The following PIK3C2G variants were observed in gnomAD, a reference collection of about 807,000 sequenced individuals.
PIK3C2G encodes the protein phosphatidylinositol 3-kinase C2 domain-containing subunit gamma.
In PIK3C2G, 168 loss-of-function variants were observed where a neutral mutation model predicts 181.1. The ratio of observed to expected loss-of-function variants is 0.93; its 90% CI spans 0.82 to 1.05. PIK3C2G has a LOEUF of 1.05. PIK3C2G is among the 50% of genes least tolerant of loss of function. The pLI is 0.00. For missense variants in PIK3C2G, 1,869 were observed against 1,732.8 expected (o/e 1.08, Z -1.40); for synonymous variants, 573 against 592.2 (o/e 0.97, Z 0.47).
intron 1 of PIK3C2G, among the ~76,000 whole-genome samples, chr12:18,251,777 T>C (rs577591545): frequency 6.6e-6 from 1 of 152,208 alleles, no homozygotes; most frequent in Admixed American, 6.5e-5. Context: ...CAATGTATTA[T>C]AGAAATATGC....
chr12:18,653,067 G>A (rs1950587514), downstream of PIK3C2G, among the ~76,000 whole-genome samples: 1 of 151,902 alleles, frequency 6.6e-6, no homozygotes, highest in Non-Finnish European at 1.5e-5. Context: ...CGAAACTTCT[G>A]CAAAAACTAA....
At chr12:18,675,185 C>A in the PIK3C2G span, among the ~76,000 whole-genome samples, 10 of 152,274 alleles carry the variant, frequency 6.6e-5, no homozygotes, top group South Asian at 1.0e-3. Flanking sequence ...CAGAGCTGGT[C>A]TAGATGGCTA....
Position 18,486,267 on chromosome 12 carries a change from A to G in PIK3C2G, c.2505-2182A>G, listed in dbSNP as rs189279657. Among the ~76,000 whole-genome samples the G allele has an allele frequency of 1.0e-3, 154 of 152,266 alleles. 1 individual carries two copies. The highest frequency in any genetic ancestry group is 4.4e-3 in the Admixed American group (68 of 15,284). ...GAATGAGGTATATTCTCCAAGGAAA[A>G]TAATCCCAACAGAATACACTGAGTT... On this transcript the variant is annotated intron_variant, in intron 18 of 32. Transcript: ENST00000538779.
At chr12:18,327,353 T>C (rs1286008063) in intron 8 of PIK3C2G, among the ~76,000 whole-genome samples, 4 of 152,084 alleles carry the variant, frequency 2.6e-5, no homozygotes, top group African/African-American at 7.2e-5. Flanking sequence ...ACAGTGTCAA[T>C]TGGAAAAATA....
Position 18,381,831 on chromosome 12 carries a change from T to A in PIK3C2G, c.1946T>A (p.Ile649Lys). 1 of 1,613,868 alleles carries A rather than the reference T, an allele frequency of 6.2e-7. No individual in the cohort carries two copies. The highest frequency in any genetic ancestry group is 1.1e-5 in the South Asian group (1 of 91,080). ...TLQSEPPVEM[I>K]TPGVWDVSQP... The stretch of plus-strand genomic sequence containing the variant: ...CAGAGTGAGCCTCCCGTAGAAATGA[T>A]AACTCCAGGAGTGTGGGATGTAAGT... The change falls in exon 14 of 33, where the codon ATA (isoleucine) becomes AAA (lysine). Residue 649 changes from isoleucine (I) to lysine (K), a missense_variant. Transcript: ENST00000538779.
At chr12:18,580,969 A>C (rs1946469598) in intron 29 of PIK3C2G, among the ~76,000 whole-genome samples, 1 of 152,310 alleles carries the variant, frequency 6.6e-6, no homozygotes, top group African/African-American at 2.4e-5. Context: ...TTTTTAGAGA[A>C]AGAAAAAATT....
At chr12:18,266,350 A>AT (rs1254141071) in intron 1 of PIK3C2G, among the ~76,000 whole-genome samples, 1 of 152,158 alleles carries the variant, frequency 6.6e-6, no homozygotes, top group Admixed American at 6.5e-5. Flanking sequence ...AAAACAGCAT[A>AT]TTTTATCCCC....
chr12:18,693,641 G>C, the PIK3C2G span: 1 of 1,562,924 alleles, frequency 6.4e-7, no homozygotes, highest in Non-Finnish European at 8.8e-7. Context: ...TGAAATTGAC[G>C]CCATTGGGAC....
At chr12:18,667,328 A>T in the PIK3C2G span, among the ~76,000 whole-genome samples, 1 of 152,196 alleles carries the variant, frequency 6.6e-6, no homozygotes, top group South Asian at 2.1e-4. Context: ...CCTCCTACCA[A>T]GAAGTTAACA....
At chr12:18,258,081 G>A (rs889243856), upstream of PIK3C2G, among the ~76,000 whole-genome samples, 1 of 152,016 alleles carries the variant, frequency 6.6e-6, no homozygotes, top group Non-Finnish European at 1.5e-5. Context: ...CTCTGCTCCT[G>A]CTGAACAATG....
intron 18 of PIK3C2G, among the ~76,000 whole-genome samples, chr12:18,456,735 C>G (rs866436969): frequency 3.3e-5 from 5 of 152,174 alleles, no homozygotes; most frequent in African/African-American, 1.2e-4. Flanking sequence ...CCTGTGCAAG[C>G]TTCCAGCTTG....
intron 26 of PIK3C2G, among the ~76,000 whole-genome samples, chr12:18,559,701 A>G (rs1005401859): frequency 6.1e-5 from 9 of 148,710 alleles, no homozygotes; most frequent in Non-Finnish European, 1.0e-4. Flanking sequence ...ATATTAGCAA[A>G]GGGAAAATCA....
intron 18 of PIK3C2G, among the ~76,000 whole-genome samples, chr12:18,424,244 C>G (rs76425515): frequency 0.013 from 2,026 of 152,162 alleles, 52 homozygotes; most frequent in African/African-American, 0.046. Context: ...ACAGTTGCTA[C>G]TGTTAATCAG....
chr12:18,418,347 T>A (rs1322184634), intron 16 of PIK3C2G, among the ~76,000 whole-genome samples: 1 of 152,056 alleles, frequency 6.6e-6, no homozygotes, highest in East Asian at 1.9e-4. Context: ...CCAGCAGAAG[T>A]TACAGTGTGC....
At chr12:18,360,642 A>T (rs1941154821) in intron 11 of PIK3C2G, among the ~76,000 whole-genome samples, 1 of 152,190 alleles carries the variant, frequency 6.6e-6, no homozygotes, top group Non-Finnish European at 1.5e-5. Flanking sequence ...CAAATATGGT[A>T]TTCTTTAGTG....
At chr12:18,669,753 G>A in the PIK3C2G span, among the ~76,000 whole-genome samples, 1 of 152,072 alleles carries the variant, frequency 6.6e-6, no homozygotes, top group African/African-American at 2.4e-5. Flanking sequence ...CGCCTCCTGG[G>A]TTCAAGTGAT....
intron 18 of PIK3C2G, among the ~76,000 whole-genome samples, chr12:18,462,593 G>A (rs1393685565): frequency 6.6e-6 from 1 of 152,094 alleles, no homozygotes. Flanking sequence ...CTGAAATCTG[G>A]GCCAGTGCCC....
chr12:18,268,104 G>C (rs1433306072), intron 1 of PIK3C2G, among the ~76,000 whole-genome samples: 3 of 152,092 alleles, frequency 2.0e-5, no homozygotes, highest in African/African-American at 7.2e-5. Context: ...CATTTTTTCA[G>C]GCTGGGATAT....
At chr12:18,723,250 G>GA in the PIK3C2G span, 4 of 1,445,568 alleles carry the variant, frequency 2.8e-6, no homozygotes, top group Non-Finnish European at 3.8e-6. Context: ...AATAATTTTT[G>GA]AAAAAAGAAA....
Sources: gnomAD v4.1 joint callset for allele counts (sites outside exome capture counted in the v4.1 genomes callset) on GRCh38, gnomAD v4.1.1 for gene constraint, MANE v1.5 for transcripts, NCBI Gene and HGNC (gene_info 2026-07-23, HGNC 2026-07-21) for gene names.